The following TXNDC16 variants were observed in gnomAD, a reference collection of about 807,000 sequenced individuals.
TXNDC16 encodes thioredoxin domain containing 16.
A neutral mutation model predicts 85.6 loss-of-function variants in TXNDC16; 74 were observed. The ratio of observed to expected loss-of-function variants is 0.86; its 90% CI spans 0.72 to 1.05. The LOEUF (loss-of-function observed/expected upper bound fraction) is 1.05. TXNDC16 is among the 50% of genes least tolerant of loss of function. TXNDC16 has a pLI of 0.00. For missense variants in TXNDC16, 959 were observed against 947.0 expected (o/e 1.01, Z -0.17); for synonymous variants, 335 against 326.5 (o/e 1.03, Z -0.28).
At chr14:52,466,722 C>T (rs1368047866) in intron 16 of TXNDC16, among the ~76,000 whole-genome samples, 2 of 151,814 alleles carry the variant, frequency 1.3e-5, no homozygotes, top group African/African-American at 4.8e-5. Flanking sequence ...AAAAAATTAG[C>T]GGGGCATGGT....
intron 18 of TXNDC16, among the ~76,000 whole-genome samples, chr14:52,448,684 A>G (rs1422623233): frequency 6.6e-6 from 1 of 152,154 alleles, no homozygotes; most frequent in African/African-American, 2.4e-5. Context: ...TTAAGTAGAA[A>G]GACTAAACAA....
intron 20 of TXNDC16, among the ~76,000 whole-genome samples, chr14:52,438,249 A>G (rs997765943): frequency 6.6e-6 from 1 of 152,340 alleles, no homozygotes; most frequent in Admixed American, 6.5e-5. Flanking sequence ...CAATTTTGAA[A>G]GAAGTTCTAC....
intron 14 of TXNDC16, among the ~76,000 whole-genome samples, chr14:52,480,624 T>C (rs555808600): frequency 5.9e-5 from 9 of 151,780 alleles, no homozygotes; most frequent in African/African-American, 2.2e-4. Context: ...CAATGAGATA[T>C]CACCTTACTC....
chr14:52,496,702 G>A lies in TXNDC16; in HGVS notation c.757-5697C>T, dbSNP rs563377441. On this transcript the variant is annotated intron_variant, in intron 9 of 20. Transcript: ENST00000281741. ...CTCACTACAGCCTTGACTTCCCCAGGCTCAGGTGATCCTCCCACCACCTCA... is the reference window on the plus strand; with the variant it reads ...CTCACTACAGCCTTGACTTCCCCAGACTCAGGTGATCCTCCCACCACCTCA... Among the ~76,000 whole-genome samples the A allele has an allele frequency of 4.6e-5, 7 of 151,228 alleles. No homozygotes were observed. In the South Asian group the frequency reaches 1.5e-3, roughly 32 times the overall value.
intron 18 of TXNDC16, among the ~76,000 whole-genome samples, chr14:52,446,602 G>C (rs1300472048): frequency 6.6e-6 from 1 of 152,134 alleles, no homozygotes; most frequent in Non-Finnish European, 1.5e-5. Context: ...ACAGCTAGGG[G>C]AGTGCTGATG....
At position 52,549,452 on chromosome 14, in the gene TXNDC16, A is replaced by C. The variant is rs565105962; in HGVS notation, c.-182+2864T>G. Among the ~76,000 whole-genome samples, 11 of 152,276 alleles carry C rather than the reference A, an allele frequency of 7.2e-5. No homozygotes were observed. In the East Asian group the frequency reaches 2.1e-3, roughly 29 times the overall value. On this transcript the variant is annotated intron_variant, in intron 1 of 20. Transcript: ENST00000281741. ...TCAGCAACTGAATATTAAGCTCCAA[A>C]AGACATCAAGGAGGAAGTACTTCAA...
chr14:52,480,874 C>A (rs1165383094), intron 14 of TXNDC16, among the ~76,000 whole-genome samples: 1 of 151,166 alleles, frequency 6.6e-6, no homozygotes, highest in African/African-American at 2.4e-5. Context: ...TATAGCAGCA[C>A]AATTTGCAAT....
intron 1 of TXNDC16, among the ~76,000 whole-genome samples, chr14:52,546,531 T>C (rs2037945205): frequency 6.6e-6 from 1 of 152,170 alleles, no homozygotes; most frequent in Admixed American, 6.5e-5. Flanking sequence ...GTGGCATCTG[T>C]CTCTTTCAGG....
At chr14:52,484,745 G>A (rs1445816509) in intron 12 of TXNDC16, among the ~76,000 whole-genome samples, 1 of 152,100 alleles carries the variant, frequency 6.6e-6, no homozygotes, top group East Asian at 1.9e-4. Flanking sequence ...GCAGGGCATG[G>A]TGGCGCATGC....
chr14:52,540,497 C>T (rs577523817), intron 4 of TXNDC16, among the ~76,000 whole-genome samples: 1 of 151,938 alleles, frequency 6.6e-6, no homozygotes, highest in African/African-American at 2.4e-5. Flanking sequence ...TGGTGGCATG[C>T]GCCTGTAGTC....
rs138809084 is a variant in TXNDC16 at position 52,514,022 on chromosome 14, G to T, written c.605+858C>A. ...ATGACAAAATCAGCAGAATGAGACA[G>T]GTCAATAAGGAGAGACTAATGGAAA... On this transcript the variant is annotated intron_variant, in intron 8 of 20. Transcript: ENST00000281741. 5.3e-5 allele frequency among the ~76,000 whole-genome samples: 8 copies of T among 152,124 alleles called. No individual in the cohort carries two copies. In the East Asian group the frequency reaches 1.5e-3, roughly 29 times the overall value.
chr14:52,472,882 G>A (rs773666339), intron 14 of TXNDC16, among the ~76,000 whole-genome samples: 7 of 152,148 alleles, frequency 4.6e-5, no homozygotes, highest in African/African-American at 1.2e-4. Context: ...AAGGGTGCAC[G>A]TACCGGCAGG....
At chr14:52,518,313 C>G (rs2037132211) in intron 7 of TXNDC16, among the ~76,000 whole-genome samples, 1 of 152,188 alleles carries the variant, frequency 6.6e-6, no homozygotes, top group Non-Finnish European at 1.5e-5. Flanking sequence ...AACTACCATA[C>G]TCATATCTCT....
chr14:52,501,146 T>C (rs2036649078), intron 9 of TXNDC16, among the ~76,000 whole-genome samples: 1 of 152,190 alleles, frequency 6.6e-6, no homozygotes, highest in Non-Finnish European at 1.5e-5. Flanking sequence ...AAAAATTCTA[T>C]ACTCAAGATT....
intron 18 of TXNDC16, among the ~76,000 whole-genome samples, chr14:52,452,599 A>G (rs191357230): frequency 6.6e-6 from 1 of 152,336 alleles, no homozygotes; most frequent in East Asian, 1.9e-4. Flanking sequence ...AATTTCTTCA[A>G]TAAATGGTGC....
intron 14 of TXNDC16, among the ~76,000 whole-genome samples, chr14:52,477,778 A>G (rs2036051898): frequency 6.6e-6 from 1 of 152,192 alleles, no homozygotes; most frequent in African/African-American, 2.4e-5. Context: ...TCAAGACAGA[A>G]GGTCAACAAA....
intron 20 of TXNDC16, among the ~76,000 whole-genome samples, chr14:52,437,805 C>G (rs2035064978): frequency 6.6e-6 from 1 of 152,102 alleles, no homozygotes; most frequent in South Asian, 2.1e-4. Context: ...GAAAATAGGT[C>G]TATGAAAACA....
chr14:52,545,056 CTA>C (rs1490983185), intron 1 of TXNDC16, among the ~76,000 whole-genome samples: 1 of 152,050 alleles, frequency 6.6e-6, no homozygotes, highest in African/African-American at 2.4e-5. Flanking sequence ...AAGAGAATAA[CTA>C]TGTAACATTC....
intron 11 of TXNDC16, 112 bp from the exon 12 acceptor site, chr14:52,488,598 G>A (rs974492628): frequency 9.0e-6 from 7 of 780,654 alleles, no homozygotes; most frequent in African/African-American, 9.0e-5. Flanking sequence ...CACTTTGGGA[G>A]GTCGAGGCAG....
Sources: allele counts gnomAD v4.1 joint callset (sites outside exome capture counted in the v4.1 genomes callset), GRCh38; gene constraint gnomAD v4.1.1; transcripts MANE v1.5; gene names NCBI Gene and HGNC (gene_info 2026-07-23, HGNC 2026-07-21).